Variants in SLC24A2 observed in about 807,000 individuals in gnomAD.
SLC24A2 encodes the protein solute carrier family 24 member 2.
A neutral mutation model predicts 62.0 loss-of-function variants in SLC24A2; 36 were observed. The ratio of observed to expected loss-of-function variants is 0.58; its 90% CI spans 0.44 to 0.77. SLC24A2 has a LOEUF of 0.77. SLC24A2 is among the 30% of genes least tolerant of loss of function. The probability of loss-of-function intolerance (pLI) is 0.00; values close to 1 mark genes in which losing one functional copy is unlikely to be tolerated. For missense variants in SLC24A2, 846 were observed against 817.9 expected, an observed-to-expected ratio of 1.03 and a Z score of -0.42; for synonymous variants, 358 against 294.0, an observed-to-expected ratio of 1.22 and a Z score of -2.23.
chr9:20,101,046 A>AC, the SLC24A2 span, among the ~76,000 whole-genome samples: 6 of 152,172 alleles, frequency 3.9e-5, no homozygotes, highest in Non-Finnish European at 8.8e-5. Flanking sequence ...CCCTGCCTTC[A>AC]CCCCCACATC....
At chr9:19,852,101 A>G in the SLC24A2 span, among the ~76,000 whole-genome samples, 1 of 152,054 alleles carries the variant, frequency 6.6e-6, no homozygotes, top group Non-Finnish European at 1.5e-5. Context: ...GCTTTTTTTC[A>G]TATGTTTCTT....
At chr9:20,049,776 T>A in the SLC24A2 span, among the ~76,000 whole-genome samples, 64,897 of 151,642 alleles carry the variant, frequency 0.43, 14,596 homozygotes, top group East Asian at 0.71. Context: ...ACCCATAAAC[T>A]ACAGGGATTA....
chr9:19,812,033 G>C, the SLC24A2 span, among the ~76,000 whole-genome samples: 8 of 152,054 alleles, frequency 5.3e-5, no homozygotes, highest in Admixed American at 1.3e-4. Context: ...AATTTCACTG[G>C]ATATACAGTT....
chr9:20,227,479 CACAATTTCTAAAGAAAAGGCTT>C, the SLC24A2 span, among the ~76,000 whole-genome samples: 1 of 143,176 alleles, frequency 7.0e-6, no homozygotes, highest in African/African-American at 2.6e-5. Flanking sequence ...AGCATAATCA[CACAATTTCTAAAGAAAAGGCTT>C]ACACATTTTC....
At chr9:20,105,928 C>G in the SLC24A2 span, among the ~76,000 whole-genome samples, 1 of 151,950 alleles carries the variant, frequency 6.6e-6, no homozygotes. Context: ...TTGAAAGGAT[C>G]AACAAAATTG....
intron 7 of SLC24A2, among the ~76,000 whole-genome samples, chr9:19,559,365 A>T (rs1018017589): frequency 4.6e-5 from 7 of 152,244 alleles, no homozygotes; most frequent in African/African-American, 1.7e-4. Context: ...TCTCTCAGGC[A>T]ATGTGAATAA....
At chr9:19,978,134 A>G in the SLC24A2 span, among the ~76,000 whole-genome samples, 1 of 152,314 alleles carries the variant, frequency 6.6e-6, no homozygotes, top group South Asian at 2.1e-4. Context: ...TTGTCAACTA[A>G]AAGTCCAACG....
chr9:20,242,739 C>T, the SLC24A2 span, among the ~76,000 whole-genome samples: 1 of 152,184 alleles, frequency 6.6e-6, no homozygotes, highest in Non-Finnish European at 1.5e-5. Flanking sequence ...AAACGGAGAG[C>T]TTAGCTAAAG....
chr9:19,726,434 T>C (rs945130214), intron 2 of SLC24A2, among the ~76,000 whole-genome samples: 3 of 152,238 alleles, frequency 2.0e-5, no homozygotes, highest in African/African-American at 7.2e-5. Context: ...CATCTTGTTT[T>C]ATTTTAATAA....
intron 2 of SLC24A2, among the ~76,000 whole-genome samples, chr9:19,680,217 A>T (rs780625086): frequency 4.1e-4 from 62 of 152,262 alleles, no homozygotes; most frequent in Non-Finnish European, 7.2e-4. Context: ...CCAATAGGAG[A>T]AGCATCCAAC....
At chr9:19,863,170 G>T in the SLC24A2 span, among the ~76,000 whole-genome samples, 2 of 151,878 alleles carry the variant, frequency 1.3e-5, no homozygotes, top group African/African-American at 2.4e-5. Flanking sequence ...TGGTAAAGGG[G>T]TCAATTCAGC....
the SLC24A2 span, among the ~76,000 whole-genome samples, chr9:20,149,171 C>G: frequency 2.0e-5 from 3 of 151,958 alleles, no homozygotes; most frequent in Non-Finnish European, 4.4e-5. Flanking sequence ...TCATCTAGTC[C>G]AGCTTCCAAC....
chr9:20,092,180 AC>A, the SLC24A2 span, among the ~76,000 whole-genome samples: 1 of 152,242 alleles, frequency 6.6e-6, no homozygotes, highest in African/African-American at 2.4e-5. Flanking sequence ...AATCTGTACA[AC>A]AAACCCCCAT....
the SLC24A2 span, among the ~76,000 whole-genome samples, chr9:19,994,408 T>C: frequency 6.6e-6 from 1 of 152,196 alleles, no homozygotes; most frequent in Non-Finnish European, 1.5e-5. Flanking sequence ...GCTCTCACCC[T>C]CCTTTCTGAG....
In SLC24A2 at chr9:19,621,124, T is replaced by C. The variant is rs1001080586; in HGVS notation, c.969+1137A>G. On this transcript the variant is annotated intron_variant, in intron 3 of 10. Coordinates refer to ENST00000341998, the MANE Select transcript of SLC24A2 (RefSeq NM_020344.4). ...TGTTTCCAAACTATTATCCATAGGA[T>C]CTTATTTTGTAAAACACTTGTTAAC... Among the ~76,000 whole-genome samples the C allele has an allele frequency of 2.8e-4, 42 of 152,236 alleles. 1 individual carries two copies. The highest frequency in any genetic ancestry group is 1.6e-4 in the Non-Finnish European group (11 of 68,044).
At chr9:19,861,236 C>T in the SLC24A2 span, among the ~76,000 whole-genome samples, 1 of 152,040 alleles carries the variant, frequency 6.6e-6, no homozygotes, top group African/African-American at 2.4e-5. Flanking sequence ...TGGCTCAGAG[C>T]AGAAAAAGAG....
chr9:20,100,684 A>G, the SLC24A2 span, among the ~76,000 whole-genome samples: 1 of 152,214 alleles, frequency 6.6e-6, no homozygotes, highest in Non-Finnish European at 1.5e-5. Flanking sequence ...CAATGCTACT[A>G]CTGATAAGAA....
At chr9:20,288,680 C>G in the SLC24A2 span, among the ~76,000 whole-genome samples, 1 of 150,698 alleles carries the variant, frequency 6.6e-6, no homozygotes, top group Non-Finnish European at 1.5e-5. Flanking sequence ...ATCACTTGAA[C>G]CTGGAAGGCG....
chr9:19,946,166 C>T, the SLC24A2 span, among the ~76,000 whole-genome samples: 1 of 152,234 alleles, frequency 6.6e-6, no homozygotes, highest in African/African-American at 2.4e-5. Context: ...CCATCCCTAT[C>T]ACTAAGTCCA....
Sources: gnomAD v4.1 joint callset for allele counts (sites outside exome capture counted in the v4.1 genomes callset) on GRCh38, gnomAD v4.1.1 for gene constraint, MANE v1.5 for transcripts, NCBI Gene and HGNC (gene_info 2026-07-23, HGNC 2026-07-21) for gene names.